HPSE2: variants seen among roughly 807,000 people sequenced by gnomAD.
The protein encoded by HPSE2 is heparanase 2 (inactive), also known as inactive heparanase-2.
In HPSE2, 38 loss-of-function variants were observed where a neutral mutation model predicts 60.5. The ratio of observed to expected loss-of-function variants is 0.63; its 90% confidence interval spans 0.48 to 0.82. The LOEUF (loss-of-function observed/expected upper bound fraction) is 0.82, where lower values mean the gene tolerates loss of function less well. Among genes scored for constraint, HPSE2 ranks in the 40% least tolerant of loss-of-function variants. The pLI is 0.00. For missense variants in HPSE2, 713 were observed against 740.4 expected (o/e 0.96, Z 0.43); for synonymous variants, 295 against 293.2 (o/e 1.01, Z -0.06).
intron 3 of HPSE2, among the ~76,000 whole-genome samples, chr10:99,015,435 T>C (rs1307061012): frequency 3.9e-5 from 6 of 152,170 alleles, no homozygotes; most frequent in Non-Finnish European, 8.8e-5. Flanking sequence ...CCAACAATGA[T>C]AGACTGGATT....
the HPSE2 span, among the ~76,000 whole-genome samples, chr10:99,305,979 G>GCGCCCACACACACA: frequency 1.2e-5 from 1 of 80,580 alleles, no homozygotes; most frequent in Non-Finnish European, 2.4e-5. Context: ...GCGCGCGCGC[G>GCGCCCACACACACA]CACACACACA....
At chr10:98,919,580 T>C (rs559329583) in intron 3 of HPSE2, among the ~76,000 whole-genome samples, 16 of 152,264 alleles carry the variant, frequency 1.1e-4, no homozygotes, top group Non-Finnish European at 1.9e-4. Context: ...ATGAATACAT[T>C]TTAAATATAT....
At chr10:98,680,877 C>T (rs1004380721) in intron 6 of HPSE2, among the ~76,000 whole-genome samples, 2 of 151,722 alleles carry the variant, frequency 1.3e-5, no homozygotes, top group Non-Finnish European at 2.9e-5. Flanking sequence ...TATCTCAGCC[C>T]CCAGAATAAC....
At chr10:98,763,674 T>C (rs1220717527) in intron 3 of HPSE2, among the ~76,000 whole-genome samples, 1 of 151,560 alleles carries the variant, frequency 6.6e-6, no homozygotes, top group African/African-American at 2.4e-5. Context: ...TAAGAAACTA[T>C]GGAGATCAGA....
chr10:98,863,739 T>C (rs1952517810), intron 3 of HPSE2, among the ~76,000 whole-genome samples: 1 of 152,178 alleles, frequency 6.6e-6, no homozygotes, highest in South Asian at 2.1e-4. Context: ...AAACCTTATA[T>C]GAAGTATAAT....
At chr10:98,740,931 T>C (rs1184311387) in intron 4 of HPSE2, among the ~76,000 whole-genome samples, 2 of 152,150 alleles carry the variant, frequency 1.3e-5, no homozygotes, top group African/African-American at 4.8e-5. Context: ...CAGAATACTG[T>C]ACATTGGATA....
At chr10:98,528,585 A>G (rs1348658345) in intron 9 of HPSE2, among the ~76,000 whole-genome samples, 1 of 152,196 alleles carries the variant, frequency 6.6e-6, no homozygotes, top group Non-Finnish European at 1.5e-5. Flanking sequence ...CCGGAGGAGA[A>G]CAGACACCCA....
At chr10:99,246,473 G>A in the HPSE2 span, among the ~76,000 whole-genome samples, 5 of 152,324 alleles carry the variant, frequency 3.3e-5, no homozygotes, top group East Asian at 1.9e-4. Flanking sequence ...GTGGCCGTGC[G>A]TGATGGCTCA....
intron 2 of HPSE2, among the ~76,000 whole-genome samples, chr10:99,164,230 TATATATATATATA>T (rs1846967659): frequency 0.01 from 5 of 486 alleles, no homozygotes; most frequent in South Asian, 0.062. Flanking sequence ...TCAAGCATTA[TATATATATATATA>T]TATATATATA....
chr10:99,301,580 G>A, the HPSE2 span, among the ~76,000 whole-genome samples: 2 of 152,142 alleles, frequency 1.3e-5, no homozygotes, highest in Non-Finnish European at 2.9e-5. Context: ...CCAGTCTCAG[G>A]TATGCCTTTA....
intron 7 of HPSE2, 120 bp downstream of exon 7, chr10:98,641,727 C>T: frequency 1.1e-5 from 9 of 796,574 alleles, no homozygotes; most frequent in South Asian, 1.3e-5. Context: ...CTAGACTGCA[C>T]TATTTTCCTA....
the HPSE2 span, among the ~76,000 whole-genome samples, chr10:99,262,032 T>C: frequency 3.2e-4 from 48 of 152,318 alleles, 1 homozygote; most frequent in East Asian, 5.2e-3. Flanking sequence ...GACTGACTCC[T>C]TCCCAGATCT....
At chr10:99,094,705 T>C (rs1252728990) in intron 3 of HPSE2, among the ~76,000 whole-genome samples, 1 of 150,324 alleles carries the variant, frequency 6.7e-6, no homozygotes, top group Non-Finnish European at 1.5e-5. Flanking sequence ...TATAGGCACA[T>C]GTCACCACAC....
chr10:98,535,804 C>A (rs1240461866), intron 9 of HPSE2, among the ~76,000 whole-genome samples: 2 of 152,258 alleles, frequency 1.3e-5, no homozygotes, highest in Non-Finnish European at 2.9e-5. Context: ...TTCATTAGAC[C>A]TTTCCAGATG....
chr10:98,645,842 G>A (rs1031818925), intron 6 of HPSE2, among the ~76,000 whole-genome samples: 2 of 152,106 alleles, frequency 1.3e-5, no homozygotes, highest in Admixed American at 1.3e-4. Flanking sequence ...GGGCGTGGTG[G>A]GGGGCGCCTG....
intron 7 of HPSE2, among the ~76,000 whole-genome samples, chr10:98,635,703 GC>G (rs1946479181): frequency 6.6e-6 from 1 of 150,626 alleles, no homozygotes; most frequent in Non-Finnish European, 1.5e-5. Flanking sequence ...GAGCGCTTGA[GC>G]CCAGGAATTT....
At position 98,934,839 on chromosome 10, in the gene HPSE2, G is replaced by A. The variant is rs1388208667; in HGVS notation, c.611-190783C>T. ...ATATTGGCCTGTCTTGCTAGGTTGG[G>A]GAAGTGGAAGTTGCCCTGGATGATA... On this transcript the variant is annotated intron_variant, in intron 3 of 11. Coordinates refer to ENST00000370552, the MANE Select transcript of HPSE2 (RefSeq NM_021828.5). 2.8e-5 allele frequency among the ~76,000 whole-genome samples: 4 copies of A among 143,480 alleles called. 2 individuals are homozygous for A. The highest frequency in any genetic ancestry group is 1.4e-4 in the Admixed American group (2 of 14,444). The allele number at this position is 143,480 out of a possible 152,430, so 94.1% of individuals were successfully genotyped here.
At chr10:99,106,060 T>C (rs1246956202) in intron 3 of HPSE2, among the ~76,000 whole-genome samples, 1 of 152,152 alleles carries the variant, frequency 6.6e-6, no homozygotes, top group African/African-American at 2.4e-5. Context: ...AAATTTGTTC[T>C]TCCTTTTTCA....
chr10:99,085,175 G>A (rs1389967929), intron 3 of HPSE2, among the ~76,000 whole-genome samples: 1 of 152,184 alleles, frequency 6.6e-6, no homozygotes, highest in Non-Finnish European at 1.5e-5. Flanking sequence ...ACAAATCCAA[G>A]AGGGATCTCT....
Sources: gnomAD v4.1 joint callset for allele counts (sites outside exome capture counted in the v4.1 genomes callset) on GRCh38, gnomAD v4.1.1 for gene constraint, MANE v1.5 for transcripts, NCBI Gene and HGNC (gene_info 2026-07-23, HGNC 2026-07-21) for gene names.